CSMD3: variants seen among roughly 807,000 people sequenced by gnomAD.
CSMD3 encodes the protein CUB and Sushi multiple domains 3, also known as CUB and sushi domain-containing protein 3.
A neutral mutation model predicts 435.2 loss-of-function variants in CSMD3; 177 were observed. The ratio of observed to expected loss-of-function variants is 0.41; its 90% CI spans 0.36 to 0.46. CSMD3 has a LOEUF of 0.46. Ranked by LOEUF, CSMD3 falls within the 20% of genes least tolerant of loss-of-function variation. The probability of loss-of-function intolerance (pLI) is 0.34; values close to 1 mark genes in which losing one functional copy is unlikely to be tolerated. For missense variants in CSMD3, 4,265 were observed against 4,504.6 expected (o/e 0.95, Z 1.52); for synonymous variants, 1,656 against 1,520.5 (o/e 1.09, Z -2.07).
chr8:112,316,911 T>C (rs904950464), intron 47 of CSMD3, among the ~76,000 whole-genome samples: 1 of 151,964 alleles, frequency 6.6e-6, no homozygotes, highest in African/African-American at 2.4e-5. Flanking sequence ...ATACTACTAC[T>C]TTTTTAGGAA....
intron 22 of CSMD3, among the ~76,000 whole-genome samples, chr8:112,601,780 T>C (rs971737400): frequency 6.6e-6 from 1 of 152,192 alleles, no homozygotes; most frequent in Non-Finnish European, 1.5e-5. Context: ...TTTTACTTAG[T>C]TCAATTAATA....
At position 112,656,573 on chromosome 8, in the gene CSMD3, C is replaced by T. The variant is rs192801007; in HGVS notation, c.2817-232G>A. ...ATTATTAAAAAGTTATGTATTGTTC[C>T]TAAGATTCTTTCAAATATTATAAAT... On this transcript the variant is annotated intron_variant, in intron 17 of 70. Coordinates refer to ENST00000297405, the MANE Select transcript of CSMD3 (RefSeq NM_198123.2). Among the ~76,000 whole-genome samples the T allele has an allele frequency of 6.7e-4, 102 of 151,992 alleles. No individual in the cohort carries two copies. The East Asian group carries it at 8.5e-3, about 13-fold the overall frequency.
chr8:113,271,622 A>G (rs2093527773), intron 3 of CSMD3, among the ~76,000 whole-genome samples: 1 of 152,178 alleles, frequency 6.6e-6, no homozygotes, highest in South Asian at 2.1e-4. Flanking sequence ...ATGCCTAGGC[A>G]AAAGTTTGCT....
In CSMD3 at chr8:113,037,204, G is replaced by A. The variant is rs568130369; in HGVS notation, c.918-18025C>T. Among the ~76,000 whole-genome samples, 21 of 152,056 alleles carry A rather than the reference G, an allele frequency of 1.4e-4. 1 individual carries two copies. In the South Asian group the frequency reaches 3.1e-3, roughly 23 times the overall value. On this transcript the variant is annotated intron_variant, in intron 5 of 70. Transcript: ENST00000297405. ...ATTACAATTTGTAGTGACATAATCAGGTATATATTAACATTTATTTTATTT... is the reference window on the plus strand; with the variant it reads ...ATTACAATTTGTAGTGACATAATCAAGTATATATTAACATTTATTTTATTT...
chr8:112,685,260 G>T, intron 15 of CSMD3, 146 bp downstream of exon 15: 1 of 648,816 alleles, frequency 1.5e-6, no homozygotes, highest in Non-Finnish European at 2.6e-6. Flanking sequence ...AATGAAGGAA[G>T]AAATGACCAT....
At chr8:112,588,357 A>C (rs1830903704) in intron 22 of CSMD3, among the ~76,000 whole-genome samples, 1 of 151,886 alleles carries the variant, frequency 6.6e-6, no homozygotes, top group African/African-American at 2.4e-5. Flanking sequence ...ATCAAAAAGA[A>C]GCACTCAGTA....
intron 22 of CSMD3, among the ~76,000 whole-genome samples, chr8:112,618,554 T>C (rs1443058532): frequency 3.3e-5 from 5 of 152,074 alleles, no homozygotes; most frequent in African/African-American, 1.2e-4. Context: ...TCTTAGATAG[T>C]GCCCCCAAAT....
At chr8:112,885,899 G>A (rs959129666) in intron 10 of CSMD3, among the ~76,000 whole-genome samples, 2 of 151,614 alleles carry the variant, frequency 1.3e-5, no homozygotes, top group Admixed American at 6.6e-5. Flanking sequence ...GGGCTGTCGA[G>A]TTACCCCAGG....
intron 10 of CSMD3, among the ~76,000 whole-genome samples, chr8:112,903,316 C>T (rs73346029): frequency 6.6e-6 from 1 of 151,128 alleles, no homozygotes; most frequent in South Asian, 2.1e-4. Context: ...CCCTTTATAG[C>T]AGCTAACATG....
intron 11 of CSMD3, among the ~76,000 whole-genome samples, chr8:112,836,285 T>A (rs2080021644): frequency 6.6e-6 from 1 of 151,670 alleles, no homozygotes; most frequent in Non-Finnish European, 1.5e-5. Flanking sequence ...AAGGGGAAAA[T>A]GTGGCAGATG....
At chr8:112,950,852 A>C (rs2083782067) in intron 8 of CSMD3, among the ~76,000 whole-genome samples, 1 of 151,908 alleles carries the variant, frequency 6.6e-6, no homozygotes, top group Admixed American at 6.6e-5. Flanking sequence ...ACAATTCAAA[A>C]CACTTTTCCA....
chr8:113,111,308 G>A (rs2090632911), intron 4 of CSMD3, among the ~76,000 whole-genome samples: 2 of 152,098 alleles, frequency 1.3e-5, no homozygotes, highest in Admixed American at 1.3e-4. Context: ...ATTAAATCAA[G>A]CCAATTAACC....
At chr8:112,489,652 C>T (rs767733593) in intron 31 of CSMD3, among the ~76,000 whole-genome samples, 5 of 152,014 alleles carry the variant, frequency 3.3e-5, no homozygotes, top group Admixed American at 2.6e-4. Context: ...ATTAGATATA[C>T]TAAATAAATT....
intron 60 of CSMD3, among the ~76,000 whole-genome samples, chr8:112,264,491 G>A (rs1477687388): frequency 1.3e-5 from 2 of 151,960 alleles, no homozygotes; most frequent in Non-Finnish European, 2.9e-5. Flanking sequence ...TGTATTATGA[G>A]AACTAAAAAC....
chr8:112,302,254 A>T (rs891477339), intron 52 of CSMD3, among the ~76,000 whole-genome samples: 1 of 146,756 alleles, frequency 6.8e-6, no homozygotes, highest in Non-Finnish European at 1.5e-5. Context: ...CAACCTGGCT[A>T]TAGTGGATGA....
intron 3 of CSMD3, among the ~76,000 whole-genome samples, chr8:113,212,436 T>G (rs2132084673): frequency 1.3e-5 from 2 of 152,316 alleles, no homozygotes; most frequent in Non-Finnish European, 1.5e-5. Flanking sequence ...TATTGGTTTC[T>G]TATTACCTTA....
chr8:112,634,045 A>T (rs1023362148), intron 22 of CSMD3, among the ~76,000 whole-genome samples: 1 of 152,048 alleles, frequency 6.6e-6, no homozygotes, highest in African/African-American at 2.4e-5. Flanking sequence ...GCAGTTGGCA[A>T]TGCTGAAGAC....
At chr8:113,005,119 G>A (rs899651831) in intron 6 of CSMD3, among the ~76,000 whole-genome samples, 5 of 151,614 alleles carry the variant, frequency 3.3e-5, no homozygotes, top group African/African-American at 1.2e-4. Context: ...GAGAAACAGG[G>A]AGAGAGAGAG....
intron 3 of CSMD3, among the ~76,000 whole-genome samples, chr8:113,236,506 C>T (rs1385178490): frequency 6.6e-6 from 1 of 151,784 alleles, no homozygotes; most frequent in African/African-American, 2.4e-5. Flanking sequence ...CTCTATAGTG[C>T]TCTCTGTCTC....
Sources: allele counts gnomAD v4.1 joint callset (sites outside exome capture counted in the v4.1 genomes callset), GRCh38; gene constraint gnomAD v4.1.1; transcripts MANE v1.5; gene names NCBI Gene and HGNC (gene_info 2026-07-23, HGNC 2026-07-21).